Variants in BPIFA1 observed in about 807,000 individuals in gnomAD.
The protein encoded by BPIFA1 is BPI fold-containing family A member 1.
BPIFA1 carries 24 observed loss-of-function variants against 25.1 expected under a neutral mutation model. The ratio of observed to expected loss-of-function variants is 0.96; its 90% CI spans 0.69 to 1.35. The LOEUF (loss-of-function observed/expected upper bound fraction) is 1.35. BPIFA1 is among the 40% of genes most tolerant of loss of function. The pLI, the probability that BPIFA1 is intolerant of heterozygous loss-of-function variation, is 0.00. For synonymous variants in BPIFA1, 139 were observed against 131.8 expected, an observed-to-expected ratio of 1.05 and a Z score of -0.37; for missense variants, 344 against 303.7, an observed-to-expected ratio of 1.13 and a Z score of -0.99.
intron 1 of BPIFA1, 115 bp from the exon 2 acceptor site, chr20:33,237,582 T>A: frequency 3.9e-6 from 3 of 772,828 alleles, no homozygotes; most frequent in Non-Finnish European, 5.6e-6. Context: ...CTATTACTAG[T>A]GACCCCCTGG....
At chr20:33,241,846 C>G (rs548327020) in intron 6 of BPIFA1, among the ~76,000 whole-genome samples, 24 of 152,342 alleles carry the variant, frequency 1.6e-4, no homozygotes, top group Admixed American at 1.0e-3. Context: ...ACAGGGTGAA[C>G]ACTGGGCTTG....
chr20:33,241,187 C>T (rs554785917), intron 5 of BPIFA1, among the ~76,000 whole-genome samples, 198 bp from the exon 6 acceptor site: 2 of 152,346 alleles, frequency 1.3e-5, no homozygotes, highest in African/African-American at 4.8e-5. Context: ...CCTACACATA[C>T]CTGTGTGTTC....
At chr20:33,238,267 G>T (rs56285260) in intron 3 of BPIFA1, 53 bp downstream of exon 3, 1 of 1,562,036 alleles carries the variant, frequency 6.4e-7, no homozygotes, top group Non-Finnish European at 8.7e-7. Context: ...CCCAGGTGAA[G>T]ATCTGCCAGC....
At position 33,242,492 on chromosome 20, in the gene BPIFA1, C is replaced by A. The variant is rs1337557123; in HGVS notation, c.736C>A (p.Leu246Met). 1 of 1,614,112 alleles carries A rather than the reference C, an allele frequency of 6.2e-7. No homozygotes were observed. Among genetic ancestry groups the A allele is most frequent in the East Asian group, 2.2e-5 (1 of 44,874 alleles). The change falls in exon 8 of 9, where the codon CTG (leucine) becomes ATG (methionine). Residue 246 changes from leucine to methionine, a missense_variant. Coordinates refer to ENST00000354297, the MANE Select transcript of BPIFA1 (RefSeq NM_130852.3). ...TTGCTTGTTTGTTTGTTTAGACATG[C>A]TGATCCACGGACTACAGTTTGTCAT... ...ITLVHDIVNM[L>M]IHGLQFVIKV
At chr20:33,240,459 A>T in intron 5 of BPIFA1, 74 bp downstream of exon 5, 1 of 1,528,150 alleles carries the variant, frequency 6.5e-7, no homozygotes, top group Non-Finnish European at 8.9e-7. Flanking sequence ...TGGAAAGCTG[A>T]GACAATGAGA....
At chr20:33,240,418 A>G in intron 5 of BPIFA1, 33 bp downstream of exon 5, 1 of 1,610,888 alleles carries the variant, frequency 6.2e-7, no homozygotes. Flanking sequence ...TCCTGCCCAG[A>G]GATGACAGGG....
At chr20:33,240,495 G>A (rs1343788076) in intron 5 of BPIFA1, 110 bp downstream of exon 5, 1 of 1,403,046 alleles carries the variant, frequency 7.1e-7, no homozygotes, top group African/African-American at 1.4e-5. Flanking sequence ...AGGCTGAAAG[G>A]GTGGGAAAAT....
chr20:33,242,167 A>G, intron 7 of BPIFA1, 48 bp downstream of exon 7: 1 of 1,588,852 alleles, frequency 6.3e-7, no homozygotes. Context: ...AGGAGCAGCA[A>G]CTTCCCCCAA....
chr20:33,237,866 C>A lies in BPIFA1; in HGVS notation c.155C>A (p.Thr52Lys), dbSNP rs1487812671. Residue 52 changes from threonine to lysine, a missense_variant, in exon 2 of 9, where the codon ACA (threonine) becomes AAA (lysine). Coordinates refer to ENST00000354297, the MANE Select transcript of BPIFA1 (RefSeq NM_130852.3). ...LSPTGLAGSL[T>K]NALSNGLLSG... ...CCCACAGGTCTTGCAGGAAGCTTGA[C>A]AAATGGTGAGTTTTCAGGGGTGTAT... 4 of 1,570,784 alleles carry A rather than the reference C, an allele frequency of 2.5e-6. No homozygotes were observed. The highest frequency in any genetic ancestry group is 2.7e-5 in the African/African-American group (2 of 73,232).
At chr20:33,242,242 G>A (rs1979014618) in intron 7 of BPIFA1, 123 bp downstream of exon 7, 1 of 1,115,894 alleles carries the variant, frequency 9.0e-7, no homozygotes, top group Admixed American at 2.0e-5. Context: ...TCTATTTTGG[G>A]CTTCATTTTC....
In BPIFA1 at chr20:33,239,837, G is replaced by T; in HGVS notation, c.355G>T (p.Gly119Cys). Residue 119 changes from glycine to cysteine, a missense_variant, in exon 4 of 9, where the codon GGC (glycine) becomes TGC (cysteine). By Grantham distance (159) the Gly-to-Cys change is radical. Coordinates refer to ENST00000354297, the MANE Select transcript of BPIFA1 (RefSeq NM_130852.3). ...KVTDPQLLEL[G>C]LVQSPDGHRL... ...CACTGACCCCCAGCTGCTGGAACTTGGCCTTGTGCAGAGCCCTGATGGCCA... is the reference window on the plus strand; with the variant it reads ...CACTGACCCCCAGCTGCTGGAACTTTGCCTTGTGCAGAGCCCTGATGGCCA... The T allele has an allele frequency of 6.2e-7, 1 of 1,614,204 alleles. No homozygotes were observed. Among genetic ancestry groups the T allele is most frequent in the Non-Finnish European group, 8.5e-7 (1 of 1,180,016 alleles).
intron 6 of BPIFA1, 29 bp from the exon 7 acceptor site, chr20:33,242,027 G>C (rs761135887): frequency 6.2e-7 from 1 of 1,606,862 alleles, no homozygotes; most frequent in East Asian, 2.2e-5. Flanking sequence ...GTGCCACTCT[G>C]CCTAACTCTC....
chr20:33,236,140 C>T (rs924057367), intron 1 of BPIFA1, 90 bp downstream of exon 1: 3 of 152,108 alleles, frequency 2.0e-5, no homozygotes, highest in African/African-American at 7.2e-5. Flanking sequence ...TGATCTTGAT[C>T]ACTCACTGGG....
At chr20:33,240,699 T>C (rs1978935287) in intron 5 of BPIFA1, among the ~76,000 whole-genome samples, 1 of 146,446 alleles carries the variant, frequency 6.8e-6, no homozygotes, top group African/African-American at 2.5e-5. Flanking sequence ...AAAGTAGTAC[T>C]TATTCCTTCT....
intron 1 of BPIFA1, 76 bp from the exon 2 acceptor site, chr20:33,237,621 C>T (rs1978739018): frequency 1.0e-5 from 13 of 1,246,836 alleles, no homozygotes; most frequent in Non-Finnish European, 1.1e-5. Flanking sequence ...ACCCCACCCC[C>T]CAGGTGTCAG....
rs1278429403 is a variant in BPIFA1, at chr20:33,243,106, G to C, written c.*35-1G>C. On this transcript the variant is annotated splice_acceptor_variant, in intron 8 of 8. Transcript: ENST00000354297. LOFTEE classifies it low-confidence loss of function (3UTR_SPLICE). ...TGACCTTGAGTCTCCATCCTGATTA[G>C]GGTCTTCCCCCAACAGAACTATTTC... The C allele has an allele frequency of 6.5e-6, 1 of 153,628 alleles. No individual in the cohort carries two copies. Among genetic ancestry groups the C allele is most frequent in the Non-Finnish European group, 1.4e-5 (1 of 69,026 alleles). The allele number at this position is 153,628 out of a possible 1,614,324, so 9.5% of individuals were successfully genotyped here. A position where few individuals can be genotyped will look rare whatever the true frequency, so the allele number is the denominator to read the frequency against.
Position 33,237,823 on chromosome 20 carries a change from C to G in BPIFA1, c.112C>G (p.Pro38Ala), listed in dbSNP as rs1568629860. 6.3e-7 allele frequency: 1 copy of G among 1,599,208 alleles called. No homozygotes were observed. Among genetic ancestry groups the G allele is most frequent in the Non-Finnish European group, 8.5e-7 (1 of 1,173,290 alleles). The change falls in exon 2 of 9, where the codon CCA (proline) becomes GCA (alanine). Residue 38 changes from proline (P) to alanine (A), a missense_variant. Physicochemically the swap from Pro to Ala is conservative, Grantham distance 27 (BLOSUM62 -1). Coordinates refer to ENST00000354297, the MANE Select transcript of BPIFA1 (RefSeq NM_130852.3). ...CCAGACCCTGCCCTTGAATGTGAATCCAGCCCTGCCCTTGAGTCCCACAGG... is the reference window on the plus strand; with the variant it reads ...CCAGACCCTGCCCTTGAATGTGAATGCAGCCCTGCCCTTGAGTCCCACAGG... ...LDQTLPLNVN[P>A]ALPLSPTGLA...
chr20:33,239,880 T>A lies in BPIFA1; in HGVS notation c.398T>A (p.Ile133Asn). 6.2e-7 allele frequency: 1 copy of A among 1,614,110 alleles called. No homozygotes were observed. The highest frequency in any genetic ancestry group is 8.5e-7 in the Non-Finnish European group (1 of 1,180,004). Residue 133 changes from isoleucine to asparagine, a missense_variant, in exon 4 of 9, where the codon ATC becomes AAC. Physicochemically the swap from Ile to Asn is moderately radical, Grantham distance 149 (BLOSUM62 -3). Coordinates refer to ENST00000354297, the MANE Select transcript of BPIFA1 (RefSeq NM_130852.3). ...GATGGCCACCGTCTCTATGTCACCA[T>A]CCCTCTCGGCATAAAGCTCCAAGTG... The part of the protein sequence containing the change: ...SPDGHRLYVT[I>N]PLGIKLQVNT...
chr20:33,239,983 C>A, intron 4 of BPIFA1, 73 bp downstream of exon 4: 1 of 1,492,500 alleles, frequency 6.7e-7, no homozygotes. Flanking sequence ...TTAACCATAA[C>A]GGGGGTATTG....
Sources: allele counts gnomAD v4.1 joint callset (sites outside exome capture counted in the v4.1 genomes callset), GRCh38; gene constraint gnomAD v4.1.1; transcripts MANE v1.5; gene names NCBI Gene and HGNC (gene_info 2026-07-23, HGNC 2026-07-21).